PRRC2A: variants seen among roughly 807,000 people sequenced by gnomAD.
PRRC2A encodes the protein protein PRRC2A.
A neutral mutation model predicts 224.6 loss-of-function variants in PRRC2A; 59 were observed. The ratio of observed to expected loss-of-function variants is 0.26; its 90% CI spans 0.21 to 0.33. PRRC2A has a LOEUF of 0.33. Among genes scored for constraint, PRRC2A ranks in the 10% least tolerant of loss-of-function variants. The pLI, the probability that PRRC2A is intolerant of heterozygous loss-of-function variation, is 1.00. For synonymous variants in PRRC2A, 1,194 were observed against 1,109.5 expected (o/e 1.08, Z -1.51); for missense variants, 3,095 against 2,880.7 (o/e 1.07, Z -1.70).
Position 31,636,053 on chromosome 6 carries a change from A to G in PRRC2A, c.5624+4A>G. 2.5e-6 allele frequency: 4 copies of G among 1,606,522 alleles called. No homozygotes were observed. Among genetic ancestry groups the G allele is most frequent in the Non-Finnish European group, 3.4e-6 (4 of 1,173,182 alleles). ...CACCCTCACTGCACCCTTACAGGTAAGACTCGATGCCTGTGGATCACAGAA... is the reference window on the plus strand; with the variant it reads ...CACCCTCACTGCACCCTTACAGGTAGGACTCGATGCCTGTGGATCACAGAA... On this transcript the variant is annotated splice_donor_region_variant and intron_variant, in intron 25 of 30. Coordinates refer to ENST00000376033, the MANE Select transcript of PRRC2A (RefSeq NM_004638.4). The surrounding 1 kb of genome is among the most constrained non-coding windows in gnomAD (Gnocchi z 4.3).
In PRRC2A at chr6:31,637,333, G is replaced by A. The variant is rs1437084030; in HGVS notation, c.6333+9G>A. On this transcript the variant is annotated intron_variant, in intron 30 of 30. Transcript: ENST00000376033. ...TCGACCTTTACCAGCAGGTGAAGGA[G>A]AAACCCTTGTGGCCCCAACTCTAAA... 1.2e-6 allele frequency: 2 copies of A among 1,608,172 alleles called. No homozygotes were observed. The highest frequency in any genetic ancestry group is 2.2e-5 in the South Asian group (2 of 90,964).
At position 31,636,559 on chromosome 6, in the gene PRRC2A, A is replaced by C; in HGVS notation, c.5885A>C (p.Gln1962Pro). Residue 1962 changes from glutamine (Q) to proline (P), a missense_variant, in exon 27 of 31, where the codon CAG becomes CCG. This residue lies in a region of PRRC2A where 662 missense variants were observed against 609.5 expected (regional missense o/e 1.09). Coordinates refer to ENST00000376033, the MANE Select transcript of PRRC2A (RefSeq NM_004638.4). The surrounding 1 kb of genome is among the most constrained non-coding windows in gnomAD (Gnocchi z 4.3). ...TCGGATTTTTATTCTACTCCTCTGC[A>C]GCCTGGTGGCCAAAGTGGCTTTCTC... ...SPSDFYSTPL[Q>P]PGGQSGFLPS... is the part of the protein sequence containing the mutation. 2 of 1,608,944 alleles carry C rather than the reference A, an allele frequency of 1.2e-6. No individual in the cohort carries two copies. Among genetic ancestry groups the C allele is most frequent in the Non-Finnish European group, 1.7e-6 (2 of 1,178,146 alleles).
chr6:31,635,442 G>T lies in PRRC2A; in HGVS notation c.5350G>T (p.Glu1784Ter). The T allele has an allele frequency of 6.2e-7, 1 of 1,614,206 alleles. No individual in the cohort carries two copies. Among genetic ancestry groups the T allele is most frequent in the Non-Finnish European group, 8.5e-7 (1 of 1,180,034 alleles). The change falls in exon 23 of 31, where the codon GAG becomes TAG. Residue 1784 changes from glutamate to a stop codon, truncating the protein, a stop_gained. Transcript: ENST00000376033. LOFTEE classifies it high-confidence loss of function. The stretch of plus-strand genomic sequence containing the variant: ...AGGAGACAGCTTGAAAGCAGAGAAG[G>T]AGCTAACAGCATCAGTCACTGAGGT... ...VVGDSLKAEK[E>*]LTASVTEAIP...
rs988293084 is a variant in PRRC2A at position 31,625,041 on chromosome 6, G to A, written c.464-130G>A. The A allele has an allele frequency of 2.1e-5, 22 of 1,037,706 alleles. 1 individual carries two copies. Among genetic ancestry groups the A allele is most frequent in the Admixed American group, 6.8e-5 (3 of 44,006 alleles). The allele number at this position is 1,037,706 out of a possible 1,614,324, so 64.3% of individuals were successfully genotyped here. A position where few individuals can be genotyped will look rare whatever the true frequency, so the allele number is the denominator to read the frequency against. On this transcript the variant is annotated intron_variant, in intron 5 of 30. Coordinates refer to ENST00000376033, the MANE Select transcript of PRRC2A (RefSeq NM_004638.4). The surrounding 1 kb of genome is among the most constrained non-coding windows in gnomAD (Gnocchi z 4.1). Reference sequence around the variant, plus strand: ...TCTCGATCTCTTGACCTCGTGATCCGCCCGCCTCAGCCTCCCAGAGTGCTG... The same window carrying A: ...TCTCGATCTCTTGACCTCGTGATCCACCCGCCTCAGCCTCCCAGAGTGCTG...
At position 31,632,172 on chromosome 6, in the gene PRRC2A, C is replaced by T; in HGVS notation, c.3499C>T (p.Pro1167Ser). ...GCGAGTCTTCACTCCCAGAGGGGTG[C>T]CATCTCGCCGGGGCCGAGGAGGAGG... ...GGRVFTPRGV[P>S]SRRGRGGGRP... Residue 1167 changes from proline to serine, a missense_variant, in exon 16 of 31, where the codon CCA (proline) becomes TCA (serine). Physicochemically the swap from Pro to Ser is moderately conservative, Grantham distance 74. Coordinates refer to ENST00000376033, the MANE Select transcript of PRRC2A (RefSeq NM_004638.4). 1 of 1,588,458 alleles carries T rather than the reference C, an allele frequency of 6.3e-7. No homozygotes were observed. The highest frequency in any genetic ancestry group is 2.2e-5 in the East Asian group (1 of 44,570).
In PRRC2A at chr6:31,631,702, G is replaced by A. The variant is rs769920566; in HGVS notation, c.3029G>A (p.Arg1010Gln). ...AATCTTTCCCCTGCCCCAAGGCTTCGGAGGGACTATTCGTATGAAAGAGTG... is the reference window on the plus strand; with the variant it reads ...AATCTTTCCCCTGCCCCAAGGCTTCAGAGGGACTATTCGTATGAAAGAGTG... ...NGNLSPAPRL[R>Q]RDYSYERVGP... Residue 1010 changes from arginine to glutamine, a missense_variant, in exon 16 of 31, where the codon CGG (arginine) becomes CAG (glutamine). Coordinates refer to ENST00000376033, the MANE Select transcript of PRRC2A (RefSeq NM_004638.4). This position sits in a 1 kb window ranked among gnomAD's most constrained non-coding sequence, Gnocchi z 4.5. The A allele has an allele frequency of 6.6e-6, 10 of 1,516,790 alleles. No homozygotes were observed. The highest frequency in any genetic ancestry group is 2.7e-5 in the South Asian group (2 of 75,224). 94.0% of individuals were successfully genotyped at this position (1,516,790 alleles called of 1,614,324 possible).
At position 31,628,210 on chromosome 6, in the gene PRRC2A, C is replaced by T. The variant is rs747475216; in HGVS notation, c.1736C>T (p.Thr579Ile). The T allele has an allele frequency of 5.0e-6, 8 of 1,611,968 alleles. No homozygotes were observed. In the Admixed American group the frequency reaches 6.7e-5, roughly 13 times the overall value. The change falls in exon 12 of 31, where the codon ACC becomes ATC. Residue 579 changes from threonine (T) to isoleucine (I), a missense_variant. Thr to Ile is a moderately conservative substitution (Grantham distance 89, BLOSUM62 -1). Around this residue, in one of 8 missense-constraint regions of PRRC2A, gnomAD observed 2,001 missense variants for 1,764.9 expected, o/e 1.13. Transcript: ENST00000376033. ...LVSGGGSTSSTSSGSFEASPV... is the reference protein window; with the variant it reads ...LVSGGGSTSSISSGSFEASPV... ...AGTGGTGGTGGCAGTACCAGTAGCA[C>T]CAGCAGTGGCAGCTTCGAAGCCAGC...
chr6:31,632,063 A>C lies in PRRC2A; in HGVS notation c.3390A>C (p.Gly1130=). 1 of 1,570,520 alleles carries C rather than the reference A, an allele frequency of 6.4e-7. No homozygotes were observed. The highest frequency in any genetic ancestry group is 8.7e-7 in the Non-Finnish European group (1 of 1,155,772). The part of the protein sequence containing the change: ...SDKEAPTPKE[G]TLTQVPLAPP... The stretch of plus-strand genomic sequence containing the variant: ...AGGAGGCTCCCACACCCAAGGAGGG[A>C]ACACTCACCCAGGTCCCTCTCGCTC... The change falls in exon 16 of 31, where the codon GGA becomes GGC. Residue 1130 remains glycine (G), a synonymous_variant. Coordinates refer to ENST00000376033, the MANE Select transcript of PRRC2A (RefSeq NM_004638.4).
At chr6:31,633,048 G>C (rs1290640365) in intron 16 of PRRC2A, 56 bp downstream of exon 16, 3 of 1,449,144 alleles carry the variant, frequency 2.1e-6, no homozygotes, top group Non-Finnish European at 2.7e-6. Flanking sequence ...GGGGGAAAAA[G>C]CCTGAGGGAA....
At position 31,631,709 on chromosome 6, in the gene PRRC2A, C is replaced by G. The variant is rs1776607819; in HGVS notation, c.3036C>G (p.Asp1012Glu). 1 of 1,518,370 alleles carries G rather than the reference C, an allele frequency of 6.6e-7. No homozygotes were observed. The highest frequency in any genetic ancestry group is 8.8e-7 in the Non-Finnish European group (1 of 1,134,462). The allele number at this position is 1,518,370 out of a possible 1,614,324, so 94.1% of individuals were successfully genotyped here. The part of the protein sequence containing the change: ...NLSPAPRLRR[D>E]YSYERVGPTS... The stretch of plus-strand genomic sequence containing the variant: ...CCCCTGCCCCAAGGCTTCGGAGGGA[C>G]TATTCGTATGAAAGAGTGGGTCCTA... The change falls in exon 16 of 31, where the codon GAC becomes GAG. Residue 1012 changes from aspartate (D) to glutamate (E), a missense_variant. Physicochemically the swap from Asp to Glu is conservative, Grantham distance 45. This residue lies in a region of PRRC2A where 2,001 missense variants were observed against 1,764.9 expected (regional missense o/e 1.13). Transcript: ENST00000376033. The surrounding 1 kb of genome is among the most constrained non-coding windows in gnomAD (Gnocchi z 4.5).
In PRRC2A at chr6:31,632,158, C is replaced by T. The variant is rs752453810; in HGVS notation, c.3485C>T (p.Thr1162Ile). 4 of 1,582,270 alleles carry T rather than the reference C, an allele frequency of 2.5e-6. No homozygotes were observed. The highest frequency in any genetic ancestry group is 1.2e-5 in the South Asian group (1 of 86,570). The change falls in exon 16 of 31, where the codon ACT (threonine) becomes ATT (isoleucine). Residue 1162 changes from threonine (T) to isoleucine (I), a missense_variant. Coordinates refer to ENST00000376033, the MANE Select transcript of PRRC2A (RefSeq NM_004638.4). ...ACTGCCCGGGGTGGGCGAGTCTTCACTCCCAGAGGGGTGCCATCTCGCCGG... is the reference window on the plus strand; with the variant it reads ...ACTGCCCGGGGTGGGCGAGTCTTCATTCCCAGAGGGGTGCCATCTCGCCGG... Reference protein sequence around the residue: ...RFTARGGRVFTPRGVPSRRGR... With the variant: ...RFTARGGRVFIPRGVPSRRGR...
chr6:31,631,916 C>T lies in PRRC2A; in HGVS notation c.3243C>T (p.Gly1081=). The T allele has an allele frequency of 6.2e-7, 1 of 1,612,688 alleles. No homozygotes were observed. Among genetic ancestry groups the T allele is most frequent in the South Asian group, 1.1e-5 (1 of 91,036 alleles). ...CAAACCACCCTCCTGCTCCCCGAGG[C>T]CGCACTGCCAGCGAGACACGGAGCG... is the stretch of plus-strand genomic sequence containing the variant. The part of the protein sequence containing the change: ...GGPNHPPAPR[G]RTASETRSEG... Residue 1081 remains glycine (G), a synonymous_variant, in exon 16 of 31, where the codon GGC becomes GGT. Transcript: ENST00000376033. The surrounding 1 kb of genome is among the most constrained non-coding windows in gnomAD (Gnocchi z 4.5).
rs558119478 is a variant in PRRC2A at position 31,632,484 on chromosome 6, T to C, written c.3811T>C (p.Ser1271Pro). The C allele has an allele frequency of 2.5e-6, 4 of 1,607,110 alleles. No homozygotes were observed. Among genetic ancestry groups the C allele is most frequent in the Non-Finnish European group, 2.6e-6 (3 of 1,176,010 alleles). The change falls in exon 16 of 31, where the codon TCT (serine) becomes CCT (proline). Residue 1271 changes from serine to proline, a missense_variant. By Grantham distance (74) the Ser-to-Pro change is moderately conservative. Around this residue, in one of 8 missense-constraint regions of PRRC2A, gnomAD observed 2,001 missense variants for 1,764.9 expected, o/e 1.13. Coordinates refer to ENST00000376033, the MANE Select transcript of PRRC2A (RefSeq NM_004638.4). ...GGAACGGGAGAATGCCGCAAGGGGG[T>C]CTGAGGGCAAGCCCTCCCTAACCCT... Reference protein sequence around the residue: ...KQERENAARGSEGKPSLTLPA... With the variant: ...KQERENAARGPEGKPSLTLPA...
At chr6:31,629,499 TC>T (rs1776292126) in intron 13 of PRRC2A, 48 bp from the exon 14 acceptor site, 2 of 1,427,720 alleles carry the variant, frequency 1.4e-6, no homozygotes, top group Admixed American at 1.7e-5. Context: ...GATTCCTTTG[TC>T]CATGTGTGCT....
chr6:31,621,325 C>T (rs1775262093), intron 1 of PRRC2A, among the ~76,000 whole-genome samples: 1 of 152,146 alleles, frequency 6.6e-6, no homozygotes. Context: ...CGTGTCGAGC[C>T]ACTCCCACTC....
Position 31,632,862 on chromosome 6 carries a change from C to G in PRRC2A, c.4189C>G (p.Arg1397Gly), listed in dbSNP as rs201074309. The change falls in exon 16 of 31, where the codon CGG becomes GGG. Residue 1397 changes from arginine to glycine, a missense_variant. Arg to Gly is a moderately radical substitution (Grantham distance 125). Transcript: ENST00000376033. ...GCGGCCAGGCATGGAACGGCAGAATCGGCGCCCTGGCCCAGGGGGCAAGGC... is the reference window on the plus strand; with the variant it reads ...GCGGCCAGGCATGGAACGGCAGAATGGGCGCCCTGGCCCAGGGGGCAAGGC... ...SQRPGMERQN[R>G]RPGPGGKAGS... 7.4e-6 allele frequency: 12 copies of G among 1,612,926 alleles called. No individual in the cohort carries two copies. Among genetic ancestry groups the G allele is most frequent in the Non-Finnish European group, 1.0e-5 (12 of 1,179,982 alleles).
In PRRC2A at chr6:31,629,653, G is replaced by A; in HGVS notation, c.2062G>A (p.Gly688Arg). 6.2e-7 allele frequency: 1 copy of A among 1,611,374 alleles called. No homozygotes were observed. Among genetic ancestry groups the A allele is most frequent in the Non-Finnish European group, 8.5e-7 (1 of 1,178,892 alleles). The change falls in exon 14 of 31, where the codon GGG (glycine) becomes AGG (arginine). Residue 688 changes from glycine (G) to arginine (R), a missense_variant. Coordinates refer to ENST00000376033, the MANE Select transcript of PRRC2A (RefSeq NM_004638.4). ...ATCACCACCACAGCCTGTGACCCTGGGGGCTGTGCCAGCTCCACAGGCTCC... is the reference window on the plus strand; with the variant it reads ...ATCACCACCACAGCCTGTGACCCTGAGGGCTGTGCCAGCTCCACAGGCTCC... ...PPSPPQPVTL[G>R]AVPAPQAPPP...
chr6:31,629,273 A>C lies in PRRC2A; in HGVS notation c.1895A>C (p.Gln632Pro). 1 of 1,603,330 alleles carries C rather than the reference A, an allele frequency of 6.2e-7. No homozygotes were observed. The highest frequency in any genetic ancestry group is 1.1e-5 in the South Asian group (1 of 89,620). ...GIGPTRQPPSQGLGYPKYQKS... is the reference protein window; with the variant it reads ...GIGPTRQPPSPGLGYPKYQKS... ...GGTCCCACCCGCCAGCCCCCTAGTC[A>C]GGGCTTGGGCTACCCCAAATATCAG... The change falls in exon 13 of 31, where the codon CAG (glutamine) becomes CCG (proline). Residue 632 changes from glutamine to proline, a missense_variant. Gln to Pro is a moderately conservative substitution (Grantham distance 76). This residue lies in a region of PRRC2A where 2,001 missense variants were observed against 1,764.9 expected (regional missense o/e 1.13). Coordinates refer to ENST00000376033, the MANE Select transcript of PRRC2A (RefSeq NM_004638.4).
chr6:31,625,359 G>T lies in PRRC2A; in HGVS notation c.607+45G>T. ...CCAAGACATTACCTATTGCATCTCAGAGCTAGGTGCTGGCTTATTCACCTT... is the reference window on the plus strand; with the variant it reads ...CCAAGACATTACCTATTGCATCTCATAGCTAGGTGCTGGCTTATTCACCTT... On this transcript the variant is annotated intron_variant, in intron 6 of 30. Transcript: ENST00000376033. This position sits in a 1 kb window ranked among gnomAD's most constrained non-coding sequence, Gnocchi z 4.1. 6.2e-7 allele frequency: 1 copy of T among 1,614,150 alleles called. No homozygotes were observed. The highest frequency in any genetic ancestry group is 1.1e-5 in the South Asian group (1 of 91,086).
Sources: gnomAD v4.1 joint callset for allele counts (sites outside exome capture counted in the v4.1 genomes callset) on GRCh38, gnomAD v4.1.1 for gene constraint, gnomAD v4.1.1 regional missense constraint, Gnocchi (gnomAD v3.1) non-coding constraint, MANE v1.5 for transcripts, NCBI Gene and HGNC (gene_info 2026-07-23, HGNC 2026-07-21) for gene names.